The following SYNDIG1L variants were observed in gnomAD, a reference collection of about 807,000 sequenced individuals.
SYNDIG1L encodes the protein synapse differentiation-inducing gene protein 1-like.
SYNDIG1L carries 13 observed loss-of-function variants against 20.1 expected under a neutral mutation model. The ratio of observed to expected loss-of-function variants is 0.65; its 90% CI spans 0.42 to 1.03. The LOEUF (loss-of-function observed/expected upper bound fraction) is 1.03. Among genes scored for constraint, SYNDIG1L ranks in the 50% least tolerant of loss-of-function variants. The pLI is 0.00. For missense variants in SYNDIG1L, 294 were observed against 305.1 expected (o/e 0.96, Z 0.27); for synonymous variants, 128 against 129.3 (o/e 0.99, Z 0.07).
At chr14:74,460,460 G>A in the SYNDIG1L span, among the ~76,000 whole-genome samples, 1 of 152,118 alleles carries the variant, frequency 6.6e-6, no homozygotes, top group Non-Finnish European at 1.5e-5. Context: ...CCCACCTCTG[G>A]AATGTTAGAT....
At position 74,406,557 on chromosome 14, in the gene SYNDIG1L, C is replaced by A; in HGVS notation, c.*978G>T. ...GCCTTCCTAAGCACCGCTGACTACT[C>A]AGCAGGCCATTCCTTCCCTGAGTCC... On this transcript the variant is annotated 3_prime_UTR_variant, in exon 4 of 4. Transcript: ENST00000331628. The A allele has an allele frequency of 6.5e-6, 1 of 153,160 alleles. No individual in the cohort carries two copies. Among genetic ancestry groups the A allele is most frequent in the Non-Finnish European group, 1.5e-5 (1 of 68,662 alleles). 9.5% of individuals were successfully genotyped at this position (153,160 alleles called of 1,614,324 possible).
At chr14:74,467,219 G>A in the SYNDIG1L span, among the ~76,000 whole-genome samples, 1 of 152,064 alleles carries the variant, frequency 6.6e-6, no homozygotes, top group South Asian at 2.1e-4. Context: ...CTCCCACCTT[G>A]GCCTCCCAAA....
At chr14:74,458,873 T>G in the SYNDIG1L span, among the ~76,000 whole-genome samples, 1 of 152,042 alleles carries the variant, frequency 6.6e-6, no homozygotes, top group Non-Finnish European at 1.5e-5. Context: ...CTGTCTGCTG[T>G]CTCCACTTTT....
intron 1 of SYNDIG1L, among the ~76,000 whole-genome samples, chr14:74,425,137 A>T (rs1279400164): frequency 6.6e-6 from 1 of 152,186 alleles, no homozygotes; most frequent in African/African-American, 2.4e-5. Context: ...GCTCTGAAGA[A>T]CTAGAAGCAC....
chr14:74,407,543 G>T lies in SYNDIG1L; in HGVS notation c.709C>A (p.His237Asn), dbSNP rs770496964. Reference protein sequence around the residue: ...ALAAYMSQNGHG With the variant: ...ALAAYMSQNGNG ...GCAGGCCCTACTGGCTACTAGCCAT[G>T]ACCGTTCTGGGACATGTAAGCTGCC... The change falls in exon 4 of 4, where the codon CAT (histidine) becomes AAT (asparagine). Residue 237 changes from histidine to asparagine, a missense_variant. Coordinates refer to ENST00000331628, the MANE Select transcript of SYNDIG1L (RefSeq NM_001105579.2). 5 of 1,613,820 alleles carry T rather than the reference G, an allele frequency of 3.1e-6. No individual in the cohort carries two copies. The South Asian group carries it at 3.3e-5, about 11-fold the overall frequency.
chr14:74,439,322 G>A, the SYNDIG1L span, among the ~76,000 whole-genome samples: 1 of 152,076 alleles, frequency 6.6e-6, no homozygotes, highest in Non-Finnish European at 1.5e-5. Context: ...GGCTGGGGAG[G>A]TTCAGAGGTT....
chr14:74,407,767 GA>G (rs1466455420), intron 3 of SYNDIG1L, 74 bp from the exon 4 acceptor site: 56 of 1,576,234 alleles, frequency 3.6e-5, no homozygotes, highest in Non-Finnish European at 8.6e-6. Flanking sequence ...CCAGGCCCCT[GA>G]CCCCATCCTG....
At position 74,409,670 on chromosome 14, in the gene SYNDIG1L, GTAGGGA is replaced by G; in HGVS notation, c.69_74del (p.Tyr25_Pro26del). On this transcript the variant is annotated inframe_deletion, in exon 2 of 4. Transcript: ENST00000331628. ...AGGACCAGCTGGGTGGGGTCTCCGG[GTAGGGA>G]TAGGGGCCATGGAGATGGGCAGGGC... The G allele has an allele frequency of 6.7e-7, 1 of 1,499,422 alleles. No individual in the cohort carries two copies. The highest frequency in any genetic ancestry group is 8.9e-7 in the Non-Finnish European group (1 of 1,125,240). The allele number at this position is 1,499,422 out of a possible 1,614,324, so 92.9% of individuals were successfully genotyped here.
intron 1 of SYNDIG1L, among the ~76,000 whole-genome samples, chr14:74,420,693 G>A (rs973280808): frequency 6.6e-6 from 1 of 152,060 alleles, no homozygotes; most frequent in Non-Finnish European, 1.5e-5. Flanking sequence ...TCCTTCTTAA[G>A]TTTCTATTAA....
At chr14:74,414,854 C>G (rs1243679691) in intron 1 of SYNDIG1L, among the ~76,000 whole-genome samples, 1 of 152,090 alleles carries the variant, frequency 6.6e-6, no homozygotes, top group Admixed American at 6.5e-5. Context: ...CCAATAACAG[C>G]TAGAAAAGTG....
chr14:74,442,514 A>G, the SYNDIG1L span, among the ~76,000 whole-genome samples: 39 of 152,322 alleles, frequency 2.6e-4, no homozygotes, highest in African/African-American at 8.4e-4. Context: ...CATGTCACAA[A>G]GTGAGGGTGG....
At chr14:74,431,498 GT>G in the SYNDIG1L span, among the ~76,000 whole-genome samples, 2 of 152,148 alleles carry the variant, frequency 1.3e-5, no homozygotes, top group East Asian at 3.8e-4. Flanking sequence ...GTATTAGACA[GT>G]TTTATCTTTT....
At chr14:74,445,718 C>T in the SYNDIG1L span, among the ~76,000 whole-genome samples, 1 of 152,192 alleles carries the variant, frequency 6.6e-6, no homozygotes, top group Non-Finnish European at 1.5e-5. Context: ...CTCAACTGAT[C>T]TGCCTGCCTT....
the SYNDIG1L span, chr14:74,476,178 A>C: frequency 1.9e-6 from 1 of 516,712 alleles, no homozygotes; most frequent in African/African-American, 1.9e-5. Context: ...TGGCAGAGGC[A>C]TATGGATGGT....
chr14:74,471,931 T>A, the SYNDIG1L span: 2 of 152,234 alleles, frequency 1.3e-5, no homozygotes, highest in Non-Finnish European at 2.9e-5. Context: ...TCAGATGAAT[T>A]TTTGTAATCA....
chr14:74,449,250 GA>G, the SYNDIG1L span, among the ~76,000 whole-genome samples: 108 of 134,422 alleles, frequency 8.0e-4, 2 homozygotes, highest in African/African-American at 2.5e-3. Flanking sequence ...AAGAAAAAAA[GA>G]AAAAAAAAAA....
the SYNDIG1L span, among the ~76,000 whole-genome samples, chr14:74,450,152 C>A: frequency 2.1e-4 from 32 of 151,964 alleles, no homozygotes; most frequent in African/African-American, 7.3e-4. Context: ...GACACAAGTA[C>A]CAAAGCTCAC....
At chr14:74,451,958 C>T in the SYNDIG1L span, among the ~76,000 whole-genome samples, 1 of 140,554 alleles carries the variant, frequency 7.1e-6, no homozygotes, top group South Asian at 2.3e-4. Context: ...CCATTACACT[C>T]CAGCCTGGGT....
chr14:74,466,684 C>T, the SYNDIG1L span, among the ~76,000 whole-genome samples: 1 of 152,172 alleles, frequency 6.6e-6, no homozygotes, highest in Admixed American at 6.5e-5. Flanking sequence ...CCTCCCGCTT[C>T]CATCACGGCT....
Sources: allele counts gnomAD v4.1 joint callset (sites outside exome capture counted in the v4.1 genomes callset), GRCh38; gene constraint gnomAD v4.1.1; transcripts MANE v1.5; gene names NCBI Gene and HGNC (gene_info 2026-07-23, HGNC 2026-07-21).